Variants in DLG2 observed in about 807,000 individuals in gnomAD.
DLG2 encodes the protein discs large MAGUK scaffold protein 2, also known as disks large homolog 2.
A neutral mutation model predicts 132.5 loss-of-function variants in DLG2; 45 were observed. The observed-to-expected ratio is 0.34, with a 90% CI of 0.27 to 0.44. DLG2 has a LOEUF of 0.44. Ranked by LOEUF, DLG2 falls within the 20% of genes least tolerant of loss-of-function variation. The pLI is 1.00. For missense variants in DLG2, 1,045 were observed against 1,196.9 expected, an observed-to-expected ratio of 0.87 and a Z score of 1.87; for synonymous variants, 424 against 419.6, an observed-to-expected ratio of 1.01 and a Z score of -0.13.
chr11:84,891,337 T>A (rs2089355461), intron 6 of DLG2, among the ~76,000 whole-genome samples: 1 of 152,202 alleles, frequency 6.6e-6, no homozygotes, highest in Non-Finnish European at 1.5e-5. Flanking sequence ...TTAGTATTTT[T>A]AAATTATCTT....
chr11:85,013,510 T>C (rs1485810009), intron 6 of DLG2, among the ~76,000 whole-genome samples: 7 of 152,186 alleles, frequency 4.6e-5, no homozygotes, highest in Admixed American at 4.6e-4. Flanking sequence ...TTGTTACTAA[T>C]GTCCTAAATC....
At chr11:85,474,231 A>C (rs745728270) in intron 3 of DLG2, among the ~76,000 whole-genome samples, 10 of 152,056 alleles carry the variant, frequency 6.6e-5, no homozygotes, top group Non-Finnish European at 1.3e-4. Flanking sequence ...TAGTCAGAAG[A>C]CTAATTTACC....
intron 8 of DLG2, among the ~76,000 whole-genome samples, chr11:84,171,196 A>T (rs1050530022): frequency 2.0e-5 from 3 of 152,110 alleles, no homozygotes; most frequent in African/African-American, 4.8e-5. Flanking sequence ...AAAAGAAAAA[A>T]CTTGAGGAGG....
At chr11:83,921,040 C>G (rs527328584) in intron 15 of DLG2, among the ~76,000 whole-genome samples, 2 of 152,118 alleles carry the variant, frequency 1.3e-5, no homozygotes, top group African/African-American at 4.8e-5. Flanking sequence ...AACACAGACT[C>G]TAGTACCAGC....
In DLG2 at chr11:85,527,188, T is replaced by A. The variant is rs900720673; in HGVS notation, c.40+71469A>T. ...AAAGGATGTTTTTATTTTTTTTTTT[T>A]TTTATTTTACTTTAAGTTCTGGGAT... On this transcript the variant is annotated intron_variant, in intron 3 of 27. Coordinates refer to ENST00000376104, the MANE Select transcript of DLG2 (RefSeq NM_001142699.3). Among the ~76,000 whole-genome samples, 83 of 152,158 alleles carry A rather than the reference T, an allele frequency of 5.5e-4. 1 individual carries two copies. Among genetic ancestry groups the A allele is most frequent in the African/African-American group, 1.8e-3 (76 of 41,550 alleles).
intron 18 of DLG2, 35 bp downstream of exon 18, chr11:83,786,655 A>T: frequency 6.5e-7 from 1 of 1,531,042 alleles, no homozygotes; most frequent in South Asian, 1.1e-5. Flanking sequence ...ACACAGAGAC[A>T]TATCAGAACA....
chr11:84,570,104 T>G (rs1193386802), intron 6 of DLG2, among the ~76,000 whole-genome samples: 1 of 152,210 alleles, frequency 6.6e-6, no homozygotes, highest in Non-Finnish European at 1.5e-5. Flanking sequence ...AATCTATATT[T>G]GTAGAACAAA....
chr11:84,223,426 T>C (rs2096943722), intron 8 of DLG2, among the ~76,000 whole-genome samples: 1 of 152,170 alleles, frequency 6.6e-6, no homozygotes. Flanking sequence ...TTACCCTACG[T>C]ACAATGACCA....
chr11:84,042,195 A>AT (rs1462423731), intron 11 of DLG2, among the ~76,000 whole-genome samples: 2 of 151,846 alleles, frequency 1.3e-5, no homozygotes, highest in Non-Finnish European at 2.9e-5. Context: ...TGAACAATCC[A>AT]TTTTTTCCCA....
intron 8 of DLG2, among the ~76,000 whole-genome samples, chr11:84,248,013 A>C (rs1050626344): frequency 1.3e-5 from 2 of 152,202 alleles, no homozygotes; most frequent in Non-Finnish European, 2.9e-5. Context: ...TTTTTCATTA[A>C]ATAGAGCTGA....
At chr11:84,077,770 G>C (rs536089738) in intron 10 of DLG2, among the ~76,000 whole-genome samples, 1 of 152,088 alleles carries the variant, frequency 6.6e-6, no homozygotes, top group East Asian at 1.9e-4. Context: ...ATATCTTCTT[G>C]AGCAGTTAAA....
intron 3 of DLG2, among the ~76,000 whole-genome samples, chr11:85,396,512 G>C (rs1469734094): frequency 1.3e-5 from 2 of 152,034 alleles, no homozygotes; most frequent in Non-Finnish European, 2.9e-5. Context: ...CCCATCAGAA[G>C]GAAGCTAAAA....
intron 7 of DLG2, chr11:84,273,034 A>T: frequency 1.1e-6 from 1 of 926,116 alleles, no homozygotes; most frequent in Non-Finnish European, 1.5e-6. Context: ...AACTACAGAG[A>T]AAATAACTAT....
At chr11:85,083,519 C>T (rs1424789716) in intron 6 of DLG2, among the ~76,000 whole-genome samples, 2 of 152,080 alleles carry the variant, frequency 1.3e-5, no homozygotes, top group African/African-American at 2.4e-5. Flanking sequence ...GGTGGTCAGG[C>T]TCCAGCTTGG....
Position 85,143,516 on chromosome 11 carries a change from C to T in DLG2, c.282+11040G>A, listed in dbSNP as rs539407279. 7.9e-5 allele frequency among the ~76,000 whole-genome samples: 12 copies of T among 151,648 alleles called. No individual in the cohort carries two copies. In the East Asian group the frequency reaches 2.1e-3, roughly 27 times the overall value. On this transcript the variant is annotated intron_variant, in intron 5 of 27. Coordinates refer to ENST00000376104, the MANE Select transcript of DLG2 (RefSeq NM_001142699.3). ...GCTTTTCTAGTTCCTTACAATGTAT[C>T]ATTAGGTTATTTATTTGAAATTTCT...
chr11:83,497,078 G>A (rs1024558136), intron 21 of DLG2, among the ~76,000 whole-genome samples: 2 of 152,094 alleles, frequency 1.3e-5, no homozygotes, highest in Non-Finnish European at 2.9e-5. Flanking sequence ...GTATCTCTGG[G>A]ATTGAGAGCA....
At chr11:83,464,065 G>T (rs2090556146) in intron 26 of DLG2, among the ~76,000 whole-genome samples, 1 of 152,170 alleles carries the variant, frequency 6.6e-6, no homozygotes, top group African/African-American at 2.4e-5. Context: ...CAAATGGGGA[G>T]CTAGATAAAC....
At chr11:84,250,673 G>A (rs939924436) in intron 8 of DLG2, among the ~76,000 whole-genome samples, 1 of 152,152 alleles carries the variant, frequency 6.6e-6, no homozygotes, top group African/African-American at 2.4e-5. Context: ...AAGAACTTTT[G>A]CCATCATAGT....
At chr11:84,685,675 A>G (rs2099737463) in intron 6 of DLG2, among the ~76,000 whole-genome samples, 1 of 152,116 alleles carries the variant, frequency 6.6e-6, no homozygotes, top group South Asian at 2.1e-4. Context: ...ATGAAAATAT[A>G]TTTCAAAGTA....
Sources: gnomAD v4.1 joint callset for allele counts (sites outside exome capture counted in the v4.1 genomes callset) on GRCh38, gnomAD v4.1.1 for gene constraint, MANE v1.5 for transcripts, NCBI Gene and HGNC (gene_info 2026-07-23, HGNC 2026-07-21) for gene names.